The following NAALAD2 variants were observed in gnomAD, a reference collection of about 807,000 sequenced individuals.
NAALAD2 encodes N-acetylated alpha-linked acidic dipeptidase 2, also known as N-acetylated-alpha-linked acidic dipeptidase 2.
In NAALAD2, 89 loss-of-function variants were observed where a neutral mutation model predicts 95.6. That is an observed-to-expected ratio of 0.93 (90% CI 0.78 to 1.11). The LOEUF (loss-of-function observed/expected upper bound fraction) is 1.11. NAALAD2 is among the 50% of genes least tolerant of loss of function. The pLI, the probability that NAALAD2 is intolerant of heterozygous loss-of-function variation, is 0.00. For synonymous variants in NAALAD2, 264 were observed against 294.4 expected, an observed-to-expected ratio of 0.90 and a Z score of 1.06; for missense variants, 894 against 872.4, an observed-to-expected ratio of 1.02 and a Z score of -0.31.
upstream of NAALAD2, among the ~76,000 whole-genome samples, chr11:90,133,837 T>TTTTG (rs1364219908): frequency 6.6e-6 from 1 of 152,014 alleles, no homozygotes; most frequent in Admixed American, 6.6e-5. Flanking sequence ...CTCTTTTTTT[T>TTTTG]TTTGTTTGTT....
intron 13 of NAALAD2, among the ~76,000 whole-genome samples, chr11:90,171,457 A>C (rs1291502357): frequency 1.3e-5 from 2 of 152,214 alleles, no homozygotes; most frequent in Admixed American, 6.5e-5. Flanking sequence ...TCTAAAAGTA[A>C]GCTGAAAAGA....
chr11:90,133,177 T>C (rs1951379241), upstream of NAALAD2, among the ~76,000 whole-genome samples: 1 of 152,208 alleles, frequency 6.6e-6, no homozygotes, highest in African/African-American at 2.4e-5. Flanking sequence ...GACAATGCTG[T>C]GAAGTTTATC....
At chr11:90,149,410 TTTTG>T (rs1328612189) in intron 4 of NAALAD2, among the ~76,000 whole-genome samples, 5 of 152,218 alleles carry the variant, frequency 3.3e-5, no homozygotes, top group South Asian at 2.1e-4. Context: ...GTAGGTGTTT[TTTTG>T]TTTGTTTGTT....
At position 90,134,778 on chromosome 11, in the gene NAALAD2, G is replaced by GTCT; in HGVS notation, c.21_23dup (p.Leu8dup). On this transcript the variant is annotated inframe_insertion, in exon 1 of 19. Coordinates refer to ENST00000534061, the MANE Select transcript of NAALAD2 (RefSeq NM_005467.4). ...GAAGCCATGGCGGAATCCAGGGGCC[G>GTCT]TCTGTACCTTTGGATGTGCTTGGCT... 6.2e-7 allele frequency: 1 copy of GTCT among 1,614,084 alleles called. No individual in the cohort carries two copies. The highest frequency in any genetic ancestry group is 1.7e-4 in the Middle Eastern group (1 of 5,980).
chr11:90,139,028 C>T (rs1590953916), intron 2 of NAALAD2, among the ~76,000 whole-genome samples: 1 of 152,058 alleles, frequency 6.6e-6, no homozygotes, highest in Middle Eastern at 3.4e-3. Context: ...ATTATGACCC[C>T]TTGATCTAGG....
At position 90,147,278 on chromosome 11, in the gene NAALAD2, C is replaced by T. The variant is rs1951769359; in HGVS notation, c.195-52C>T. ...GTGCATTTAGAATAGTTCTTAGGCA[C>T]ATCGTCTGAGCATAGTCTTTAATGC... On this transcript the variant is annotated intron_variant, in intron 2 of 18. Transcript: ENST00000534061. 17 of 1,406,166 alleles carry T rather than the reference C, an allele frequency of 1.2e-5. No homozygotes were observed. The South Asian group carries it at 1.7e-4, about 14-fold the overall frequency. The allele number at this position is 1,406,166 out of a possible 1,614,324, so 87.1% of individuals were successfully genotyped here. A position where few individuals can be genotyped will look rare whatever the true frequency, so the allele number is the denominator to read the frequency against.
chr11:90,156,552 T>C (rs965410738), intron 6 of NAALAD2, among the ~76,000 whole-genome samples: 1 of 152,156 alleles, frequency 6.6e-6, no homozygotes, highest in Admixed American at 6.6e-5. Context: ...TTTAGCTGCA[T>C]CCTACAGTTT....
chr11:90,139,489 A>G (rs78990814), intron 2 of NAALAD2, among the ~76,000 whole-genome samples: 6,229 of 152,188 alleles, frequency 0.041, 424 homozygotes, highest in African/African-American at 0.14. Context: ...TTTCAGGCAG[A>G]TATGCTTTCT....
intron 11 of NAALAD2, 81 bp from the exon 12 acceptor site, chr11:90,168,848 C>A: frequency 8.5e-7 from 1 of 1,170,366 alleles, no homozygotes; most frequent in Non-Finnish European, 1.2e-6. Context: ...ACCGCTTTTC[C>A]ACGAAATTAA....
intron 2 of NAALAD2, among the ~76,000 whole-genome samples, chr11:90,145,894 A>C (rs1335765327): frequency 6.6e-6 from 1 of 152,182 alleles, no homozygotes; most frequent in Non-Finnish European, 1.5e-5. Flanking sequence ...AAAAGACAGA[A>C]GACAGGACCT....
At position 90,187,316 on chromosome 11, in the gene NAALAD2, AT is replaced by A. The variant is rs576614581; in HGVS notation, c.2034-4237del. ...ATAGCATTTGACCCAGGGTAAACAC[AT>A]TTTTAAATTTGATTAGGTTACTACC... On this transcript the variant is annotated intron_variant, in intron 18 of 18. Transcript: ENST00000534061. Among the ~76,000 whole-genome samples, 418 of 152,318 alleles carry A rather than the reference AT, an allele frequency of 2.7e-3. 3 individuals carry two copies. The highest frequency in any genetic ancestry group is 9.3e-3 in the Admixed American group (142 of 15,300).
At chr11:90,167,284 C>T (rs536860934) in intron 11 of NAALAD2, among the ~76,000 whole-genome samples, 6 of 152,268 alleles carry the variant, frequency 3.9e-5, no homozygotes, top group African/African-American at 1.4e-4. Flanking sequence ...CCCTCGGAGG[C>T]GCCGGCCAGC....
In NAALAD2 at chr11:90,144,757, G is replaced by GAAAAAAAAAAAAA. The variant is rs1302696048; in HGVS notation, c.195-2573_195-2572insAAAAAAAAAAAAA. ...AACTCCATTAAAAAAAAAAAAAAAC[G>GAAAAAAAAAAAAA]GAAAAGAAAGACAAGGAGGTCAAGG... On this transcript the variant is annotated intron_variant, in intron 2 of 18. Coordinates refer to ENST00000534061, the MANE Select transcript of NAALAD2 (RefSeq NM_005467.4). Among the ~76,000 whole-genome samples the GAAAAAAAAAAAAA allele has an allele frequency of 3.1e-5, 4 of 129,508 alleles. 1 individual carries two copies. The highest frequency in any genetic ancestry group is 1.2e-4 in the African/African-American group (4 of 33,782). 85.0% of individuals were successfully genotyped at this position (129,508 alleles called of 152,430 possible).
At position 90,163,382 on chromosome 11, in the gene NAALAD2, C is replaced by G. The variant is rs1311738293; in HGVS notation, c.1148C>G (p.Ala383Gly). The G allele has an allele frequency of 6.2e-7, 1 of 1,613,904 alleles. No individual in the cohort carries two copies. Among genetic ancestry groups the G allele is most frequent in the Non-Finnish European group, 8.5e-7 (1 of 1,179,920 alleles). ...GCTATTGACCCAACCAGTGGGGTTGCTGTTTTGCAAGAAATTGCCCGGAGT... is the reference window on the plus strand; with the variant it reads ...GCTATTGACCCAACCAGTGGGGTTGGTGTTTTGCAAGAAATTGCCCGGAGT... Reference protein sequence around the residue: ...FGAIDPTSGVAVLQEIARSFG... With the variant: ...FGAIDPTSGVGVLQEIARSFG... The change falls in exon 10 of 19, where the codon GCT becomes GGT. Residue 383 changes from alanine (A) to glycine (G), a missense_variant. Ala to Gly is a moderately conservative substitution (Grantham distance 60, BLOSUM62 0). Transcript: ENST00000534061.
At chr11:90,132,028 C>T (rs1290195515), upstream of NAALAD2, 1 of 152,380 alleles carries the variant, frequency 6.6e-6, no homozygotes, top group Admixed American at 6.5e-5. Flanking sequence ...TAATAATTAG[C>T]AATTACTTTT....
chr11:90,152,854 T>G (rs1951926032), intron 6 of NAALAD2, among the ~76,000 whole-genome samples: 3 of 124,238 alleles, frequency 2.4e-5, no homozygotes, highest in Admixed American at 8.6e-5. Flanking sequence ...TATCGATAGA[T>G]TGTATTTTTG....
At chr11:90,150,649 A>G in intron 5 of NAALAD2, 42 bp downstream of exon 5, 1 of 1,430,266 alleles carries the variant, frequency 7.0e-7, no homozygotes, top group Non-Finnish European at 9.4e-7. Flanking sequence ...GAGAGGATAT[A>G]TATATTCTGT....
In NAALAD2 at chr11:90,163,421, T is replaced by C; in HGVS notation, c.1187T>C (p.Met396Thr). 6.2e-7 allele frequency: 1 copy of C among 1,614,016 alleles called. No homozygotes were observed. The stretch of plus-strand genomic sequence containing the variant: ...ATTGCCCGGAGTTTTGGAAAACTGA[T>C]GAGTAAAGGTAAACAACCTTTCTTT... ...QEIARSFGKL[M>T]SKGWRPRRTI... is the part of the protein sequence containing the mutation. Residue 396 changes from methionine to threonine, a missense_variant, in exon 10 of 19, where the codon ATG becomes ACG. Coordinates refer to ENST00000534061, the MANE Select transcript of NAALAD2 (RefSeq NM_005467.4).
chr11:90,137,788 AT>A (rs1951489043), intron 2 of NAALAD2, among the ~76,000 whole-genome samples: 1 of 151,622 alleles, frequency 6.6e-6, no homozygotes, highest in South Asian at 2.1e-4. Context: ...ATTTTTGTTT[AT>A]TTTATTTATT....
Sources: allele counts gnomAD v4.1 joint callset (sites outside exome capture counted in the v4.1 genomes callset), GRCh38; gene constraint gnomAD v4.1.1; transcripts MANE v1.5; gene names NCBI Gene and HGNC (gene_info 2026-07-23, HGNC 2026-07-21).